SNTB1: variants seen among roughly 807,000 people sequenced by gnomAD.
The protein encoded by SNTB1 is beta-1-syntrophin.
A neutral mutation model predicts 48.9 loss-of-function variants in SNTB1; 36 were observed. The ratio of observed to expected loss-of-function variants is 0.74; its 90% confidence interval spans 0.56 to 0.97. SNTB1 has a LOEUF of 0.97. Ranked by LOEUF, SNTB1 falls within the 50% of genes least tolerant of loss-of-function variation. The pLI is 0.00. For synonymous variants in SNTB1, 299 were observed against 294.6 expected (o/e 1.01, Z -0.15); for missense variants, 786 against 703.4 (o/e 1.12, Z -1.33).
intron 1 of SNTB1, among the ~76,000 whole-genome samples, chr8:120,783,159 GAA>G (rs1327131807): frequency 6.6e-6 from 1 of 152,112 alleles, no homozygotes; most frequent in Non-Finnish European, 1.5e-5. Flanking sequence ...ATTTCTCATG[GAA>G]GTAAATTATA....
At chr8:120,652,635 A>G (rs6469941) in intron 2 of SNTB1, among the ~76,000 whole-genome samples, 130,188 of 151,926 alleles carry the variant, frequency 0.86, 55,964 homozygotes, top group Middle Eastern at 0.93. Context: ...TGAGCCTCAA[A>G]TTTCTTCATC....
intron 1 of SNTB1, among the ~76,000 whole-genome samples, chr8:120,806,661 T>A (rs114132729): frequency 7.9e-5 from 12 of 152,216 alleles, no homozygotes; most frequent in African/African-American, 2.6e-4. Context: ...CAGAATAAGG[T>A]TAGAGATGGC....
intron 3 of SNTB1, among the ~76,000 whole-genome samples, chr8:120,581,196 C>T (rs1816044460): frequency 6.6e-6 from 1 of 151,802 alleles, no homozygotes; most frequent in African/African-American, 2.4e-5. Flanking sequence ...AGAAAAAAGG[C>T]CAGAAAAAGA....
intron 1 of SNTB1, among the ~76,000 whole-genome samples, chr8:120,771,919 G>A (rs866405625): frequency 6.6e-6 from 1 of 151,820 alleles, no homozygotes; most frequent in Non-Finnish European, 1.5e-5. Flanking sequence ...GCCCAGGCTG[G>A]AGTGCAGTGG....
intron 1 of SNTB1, among the ~76,000 whole-genome samples, chr8:120,702,410 C>T (rs1411173824): frequency 6.6e-6 from 1 of 152,182 alleles, no homozygotes; most frequent in African/African-American, 2.4e-5. Context: ...CTGTTTAATT[C>T]GCTGAACATG....
intron 1 of SNTB1, chr8:120,761,257 C>T (rs1819413872): frequency 6.6e-6 from 1 of 152,204 alleles, no homozygotes; most frequent in Non-Finnish European, 1.5e-5. Flanking sequence ...AAACCCAAGA[C>T]AACAGGGACC....
In SNTB1 at chr8:120,582,719, T is replaced by C. The variant is rs144346376; in HGVS notation, c.997-7494A>G. On this transcript the variant is annotated intron_variant, in intron 3 of 6. Coordinates refer to ENST00000517992, the MANE Select transcript of SNTB1 (RefSeq NM_021021.4). ...GTGGGAGTTGAACAATGAGAACACA[T>C]GGACACAGGGAGGGGAATATCACAC... is the stretch of plus-strand genomic sequence containing the variant. 3.0e-3 allele frequency among the ~76,000 whole-genome samples: 443 copies of C among 147,062 alleles called. 6 individuals carry two copies. Among genetic ancestry groups the C allele is most frequent in the Non-Finnish European group, 1.6e-3 (108 of 67,070 alleles).
At chr8:120,566,879 G>C (rs1815758553) in intron 4 of SNTB1, among the ~76,000 whole-genome samples, 1 of 152,152 alleles carries the variant, frequency 6.6e-6, no homozygotes. Context: ...TCCCTTGATT[G>C]TTAGCTGGAA....
chr8:120,633,733 A>T (rs973854169), intron 2 of SNTB1, among the ~76,000 whole-genome samples: 1 of 152,200 alleles, frequency 6.6e-6, no homozygotes, highest in Non-Finnish European at 1.5e-5. Context: ...GTGGTAAAAG[A>T]AGGAAATTCT....
chr8:120,548,700 G>C, intron 5 of SNTB1, 62 bp downstream of exon 5: 2 of 1,482,504 alleles, frequency 1.3e-6, no homozygotes, highest in Non-Finnish European at 1.9e-6. Context: ...TAAGGCCCCG[G>C]TGGAGTAGAG....
chr8:120,809,823 G>T (rs934966054), intron 1 of SNTB1, among the ~76,000 whole-genome samples: 1 of 152,110 alleles, frequency 6.6e-6, no homozygotes, highest in African/African-American at 2.4e-5. Flanking sequence ...GGTGGCAATT[G>T]ACTATGAAGA....
chr8:120,721,609 T>C (rs1818659466), intron 1 of SNTB1, among the ~76,000 whole-genome samples: 1 of 152,222 alleles, frequency 6.6e-6, no homozygotes, highest in African/African-American at 2.4e-5. Context: ...TAAATTCATA[T>C]AAATATAACC....
At chr8:120,644,557 T>C (rs886542046) in intron 2 of SNTB1, among the ~76,000 whole-genome samples, 3 of 152,176 alleles carry the variant, frequency 2.0e-5, no homozygotes, top group African/African-American at 7.2e-5. Flanking sequence ...TAACCCAGTC[T>C]ATCATTGTTG....
rs192670895 is a variant in SNTB1, at chr8:120,805,244, C to T, written c.571+6029G>A. On this transcript the variant is annotated intron_variant, in intron 1 of 6. Coordinates refer to ENST00000517992, the MANE Select transcript of SNTB1 (RefSeq NM_021021.4). ...GAATGCCCACCCTCTCCTCCAAACACACCCACGTCCTGGTCTTCTCCAGAT... is the reference window on the plus strand; with the variant it reads ...GAATGCCCACCCTCTCCTCCAAACATACCCACGTCCTGGTCTTCTCCAGAT... 2.2e-3 allele frequency among the ~76,000 whole-genome samples: 338 copies of T among 152,176 alleles called. 2 individuals carry two copies. The highest frequency in any genetic ancestry group is 7.9e-3 in the African/African-American group (328 of 41,486).
intron 3 of SNTB1, among the ~76,000 whole-genome samples, chr8:120,619,876 A>G (rs975471929): frequency 1.3e-5 from 2 of 152,294 alleles, no homozygotes; most frequent in Non-Finnish European, 2.9e-5. Context: ...AGACACACAC[A>G]TTTTTGTAAA....
At chr8:120,786,177 G>T (rs748843448) in intron 1 of SNTB1, among the ~76,000 whole-genome samples, 43 of 152,168 alleles carry the variant, frequency 2.8e-4, no homozygotes, top group Non-Finnish European at 4.4e-4. Context: ...CCACTGGGTG[G>T]CTAGACTAAG....
chr8:120,623,530 T>C (rs1203235663), intron 3 of SNTB1, among the ~76,000 whole-genome samples: 2 of 152,226 alleles, frequency 1.3e-5, no homozygotes, highest in African/African-American at 4.8e-5. Flanking sequence ...GTGCTTCTGC[T>C]GTGTCACTCT....
chr8:120,642,868 A>T (rs776785355), intron 2 of SNTB1, among the ~76,000 whole-genome samples: 1 of 152,214 alleles, frequency 6.6e-6, no homozygotes, highest in South Asian at 2.1e-4. Flanking sequence ...CCATGATTGC[A>T]CTACTGCACT....
chr8:120,766,021 C>T (rs182911025), intron 1 of SNTB1, among the ~76,000 whole-genome samples: 55 of 152,266 alleles, frequency 3.6e-4, no homozygotes, highest in Non-Finnish European at 5.3e-4. Flanking sequence ...AAACAGTTTA[C>T]GGCACTCTTC....
Sources: allele counts gnomAD v4.1 joint callset (sites outside exome capture counted in the v4.1 genomes callset), GRCh38; gene constraint gnomAD v4.1.1; transcripts MANE v1.5; gene names NCBI Gene and HGNC (gene_info 2026-07-23, HGNC 2026-07-21).